TTLL10: variants seen among roughly 807,000 people sequenced by gnomAD.
TTLL10 encodes the protein tubulin tyrosine ligase like 10.
A neutral mutation model predicts 69.0 loss-of-function variants in TTLL10; 61 were observed. The ratio of observed to expected loss-of-function variants is 0.88; its 90% CI spans 0.72 to 1.09. The LOEUF (loss-of-function observed/expected upper bound fraction) is 1.09, where lower values mean the gene tolerates loss of function less well. Ranked by LOEUF, TTLL10 falls within the 50% of genes least tolerant of loss-of-function variation. TTLL10 has a pLI of 0.00. For missense variants in TTLL10, 962 were observed against 945.9 expected, an observed-to-expected ratio of 1.02 and a Z score of -0.22; for synonymous variants, 408 against 393.3, an observed-to-expected ratio of 1.04 and a Z score of -0.44.
rs776201365 is a variant in TTLL10 at position 1,184,013 on chromosome 1, TGGCCAC to T, written c.1186_1191del (p.His396_Gly397del). On this transcript the variant is annotated inframe_deletion, in exon 12 of 16. Transcript: ENST00000379289. ...GCACCACACCCTACATGATCTTCTT[TGGCCAC>T]GGCTATGCTCGCCTCACCCTTAGCC... The T allele has an allele frequency of 3.7e-6, 6 of 1,614,072 alleles. No individual in the cohort carries two copies. The highest frequency in any genetic ancestry group is 5.1e-6 in the Non-Finnish European group (6 of 1,180,002).
At chr1:1,179,509 C>T (rs977136982) in intron 4 of TTLL10, 148 bp from the exon 5 acceptor site, 4 of 1,366,228 alleles carry the variant, frequency 2.9e-6, no homozygotes, top group Non-Finnish European at 4.0e-6. Flanking sequence ...GCTCTGCAGG[C>T]ACAGAGGGGA....
intron 13 of TTLL10, among the ~76,000 whole-genome samples, chr1:1,188,408 T>C (rs1404552946): frequency 1.3e-5 from 2 of 150,718 alleles, no homozygotes; most frequent in Non-Finnish European, 3.0e-5. Flanking sequence ...CAATGAAATT[T>C]TTTTTTTTTT....
intron 8 of TTLL10, 55 bp downstream of exon 8, chr1:1,180,915 C>G: frequency 6.9e-7 from 1 of 1,442,422 alleles, no homozygotes; most frequent in South Asian, 1.4e-5. Flanking sequence ...ACGCCTGCCC[C>G]TGCCCCTGCC....
intron 4 of TTLL10, 59 bp downstream of exon 4, chr1:1,179,392 C>T (rs1459975838): frequency 1.2e-5 from 18 of 1,470,654 alleles, no homozygotes; most frequent in Non-Finnish European, 1.7e-5. Flanking sequence ...CTCCCTGGGA[C>T]GGGTGCCCCA....
chr1:1,186,702 C>T (rs1429173360), intron 13 of TTLL10, among the ~76,000 whole-genome samples: 1 of 152,114 alleles, frequency 6.6e-6, no homozygotes, highest in Non-Finnish European at 1.5e-5. Flanking sequence ...AGGGATATCT[C>T]ATTGTGGGTT....
intron 13 of TTLL10, among the ~76,000 whole-genome samples, chr1:1,191,363 G>A (rs1647763292): frequency 1.3e-5 from 2 of 152,134 alleles, no homozygotes; most frequent in South Asian, 2.1e-4. Context: ...AGGCTGAGAT[G>A]GAAACATTGC....
chr1:1,196,461 G>A (rs905044070), intron 13 of TTLL10, 139 bp from the exon 14 acceptor site: 5 of 656,794 alleles, frequency 7.6e-6, no homozygotes, highest in Admixed American at 2.2e-5. Context: ...CTGAGTGCAC[G>A]AACGTGTGGG....
chr1:1,193,130 C>A (rs1232176683), intron 13 of TTLL10, among the ~76,000 whole-genome samples: 2 of 152,190 alleles, frequency 1.3e-5, no homozygotes, highest in Non-Finnish European at 2.9e-5. Context: ...TTGAGACCAT[C>A]CTGGCTAACA....
At position 1,181,841 on chromosome 1, in the gene TTLL10, C is replaced by G; in HGVS notation, c.830+26C>G. The G allele has an allele frequency of 6.3e-7, 1 of 1,581,930 alleles. No individual in the cohort carries two copies. The highest frequency in any genetic ancestry group is 1.2e-5 in the South Asian group (1 of 86,658). On this transcript the variant is annotated intron_variant, in intron 9 of 15. Transcript: ENST00000379289. This position sits in a 1 kb window ranked among gnomAD's most constrained non-coding sequence, Gnocchi z 4.6. ...GTAGACTCAGCCCAGCTGTGAGGGGCCCTTCAGACCGAAGTTCAGACCTAA... is the reference window on the plus strand; with the variant it reads ...GTAGACTCAGCCCAGCTGTGAGGGGGCCTTCAGACCGAAGTTCAGACCTAA...
chr1:1,181,610 C>T lies in TTLL10; in HGVS notation c.756-131C>T. On this transcript the variant is annotated intron_variant, in intron 8 of 15. Coordinates refer to ENST00000379289, the MANE Select transcript of TTLL10 (RefSeq NM_001130045.2). The surrounding 1 kb of genome is among the most constrained non-coding windows in gnomAD (Gnocchi z 4.6). ...TGTTTCCCCCAGGCACCGCCGTCCA[C>T]CCAGCCACCTCCTTCCACCACAACT... 2 of 811,588 alleles carry T rather than the reference C, an allele frequency of 2.5e-6. No individual in the cohort carries two copies. Among genetic ancestry groups the T allele is most frequent in the Non-Finnish European group, 3.9e-6 (2 of 508,088 alleles). 50.3% of individuals were successfully genotyped at this position (811,588 alleles called of 1,614,324 possible).
chr1:1,182,833 G>A (rs749189460), intron 10 of TTLL10, 43 bp from the exon 11 acceptor site: 4 of 1,510,220 alleles, frequency 2.6e-6, no homozygotes, highest in East Asian at 2.5e-5. Context: ...GGGCGTGGCT[G>A]GGTTGGGGGC....
rs1236067366 is a variant in TTLL10, at chr1:1,181,377, C to CCTGG, written c.756-364_756-363insCTGG. On this transcript the variant is annotated intron_variant, in intron 8 of 15. Coordinates refer to ENST00000379289, the MANE Select transcript of TTLL10 (RefSeq NM_001130045.2). The surrounding 1 kb of genome is among the most constrained non-coding windows in gnomAD (Gnocchi z 4.6). ...CCCAAGTCTGGGCCATCCATCCTAG[C>CCTGG]GACTTCGTCCTCCTGCTCCCAGCCC... is the stretch of plus-strand genomic sequence containing the variant. Among the ~76,000 whole-genome samples, 2 of 152,046 alleles carry CCTGG rather than the reference C, an allele frequency of 1.3e-5. No individual in the cohort carries two copies. Among genetic ancestry groups the CCTGG allele is most frequent in the Non-Finnish European group, 2.9e-5 (2 of 68,008 alleles).
In TTLL10 at chr1:1,182,347, T is replaced by C; in HGVS notation, c.831-14T>C. On this transcript the variant is annotated splice_polypyrimidine_tract_variant and intron_variant, in intron 9 of 15. Coordinates refer to ENST00000379289, the MANE Select transcript of TTLL10 (RefSeq NM_001130045.2). Reference sequence around the variant, plus strand: ...AGGGACAGCAGCTCATCCTCCTGCCTCCCTGCCCTGCAGGGTCCTGAGAAT... The same window carrying C: ...AGGGACAGCAGCTCATCCTCCTGCCCCCCTGCCCTGCAGGGTCCTGAGAAT... 1 of 1,610,630 alleles carries C rather than the reference T, an allele frequency of 6.2e-7. No individual in the cohort carries two copies. The highest frequency in any genetic ancestry group is 8.5e-7 in the Non-Finnish European group (1 of 1,177,112).
At chr1:1,188,436 C>T (rs1647504711) in intron 13 of TTLL10, among the ~76,000 whole-genome samples, 1 of 147,010 alleles carries the variant, frequency 6.8e-6, no homozygotes, top group African/African-American at 2.5e-5. Flanking sequence ...GACAGAGTCT[C>T]ATTCTGTTGC....
Position 1,181,858 on chromosome 1 carries a change from C to G in TTLL10, c.830+43C>G, listed in dbSNP as rs1330852130. The G allele has an allele frequency of 3.2e-6, 5 of 1,545,262 alleles. No individual in the cohort carries two copies. In the South Asian group the frequency reaches 4.7e-5, roughly 15 times the overall value. ...GTGAGGGGCCCTTCAGACCGAAGTT[C>G]AGACCTAAACCTGGTGTCGTCTGAA... is the stretch of plus-strand genomic sequence containing the variant. On this transcript the variant is annotated intron_variant, in intron 9 of 15. Transcript: ENST00000379289. The surrounding 1 kb of genome is among the most constrained non-coding windows in gnomAD (Gnocchi z 4.6).
intron 3 of TTLL10, chr1:1,174,781 G>C (rs1190797177): frequency 6.6e-6 from 1 of 152,232 alleles, no homozygotes; most frequent in Admixed American, 6.5e-5. Flanking sequence ...CCTGCATTCA[G>C]GCCCCGGGTT....
At chr1:1,191,595 T>C (rs1647783279) in intron 13 of TTLL10, among the ~76,000 whole-genome samples, 1 of 152,174 alleles carries the variant, frequency 6.6e-6, no homozygotes, top group Admixed American at 6.5e-5. Context: ...TAGATGTCTG[T>C]GCCGAGACCA....
intron 3 of TTLL10, chr1:1,175,611 G>T: frequency 2.3e-6 from 1 of 430,820 alleles, no homozygotes; most frequent in Non-Finnish European, 4.7e-6. Flanking sequence ...TCTGCCTCCC[G>T]TCACCCCCAC....
rs757810820 is a variant in TTLL10, at chr1:1,180,870, C to T, written c.755+10C>T. On this transcript the variant is annotated intron_variant, in intron 8 of 15. Coordinates refer to ENST00000379289, the MANE Select transcript of TTLL10 (RefSeq NM_001130045.2). ...GGGGGGTCCAGGCCAGGTGAGTCTGCCCCTGCCCCTGCCCCCGTCCCTGCG... is the reference window on the plus strand; with the variant it reads ...GGGGGGTCCAGGCCAGGTGAGTCTGTCCCTGCCCCTGCCCCCGTCCCTGCG... 6.5e-7 allele frequency: 1 copy of T among 1,547,560 alleles called. No homozygotes were observed.
Sources: allele counts gnomAD v4.1 joint callset (sites outside exome capture counted in the v4.1 genomes callset), GRCh38; gene constraint gnomAD v4.1.1; non-coding constraint Gnocchi (gnomAD v3.1); transcripts MANE v1.5; gene names NCBI Gene and HGNC (gene_info 2026-07-23, HGNC 2026-07-21).